Variants in SCAMP1 observed in about 807,000 individuals in gnomAD.
SCAMP1 encodes the protein secretory carrier membrane protein 1, also known as secretory carrier-associated membrane protein 1.
SCAMP1 carries 15 observed loss-of-function variants against 41.8 expected under a neutral mutation model. The observed-to-expected ratio is 0.36, with a 90% CI of 0.24 to 0.55. The LOEUF is 0.55. Among genes scored for constraint, SCAMP1 ranks in the 20% least tolerant of loss-of-function variants. SCAMP1 has a pLI of 0.86. For missense variants in SCAMP1, 341 were observed against 412.6 expected (o/e 0.83, Z 1.50); for synonymous variants, 135 against 136.8 (o/e 0.99, Z 0.09).
intron 2 of SCAMP1, among the ~76,000 whole-genome samples, chr5:78,391,108 C>G (rs112974060): frequency 2.1e-5 from 1 of 47,368 alleles, no homozygotes; most frequent in Admixed American, 1.6e-4. Context: ...CACCTTTCCC[C>G]CCTTTCCACT....
chr5:78,428,081 G>T (rs1488827320), intron 6 of SCAMP1, among the ~76,000 whole-genome samples: 1 of 151,942 alleles, frequency 6.6e-6, no homozygotes, highest in Non-Finnish European at 1.5e-5. Context: ...GTCTTGTCTG[G>T]TTAGTATCAT....
chr5:78,421,875 G>T lies in SCAMP1; in HGVS notation c.547G>T (p.Asp183Tyr), dbSNP rs1752347269. The change falls in exon 6 of 9, where the codon GAT becomes TAT. Residue 183 changes from aspartate (D) to tyrosine (Y), a missense_variant. Transcript: ENST00000621999. ...TTGTGTTGATTCTGCAAGAGCGGTT[G>T]ATTTTGGATTGAGTATCCTGTGGTT... The part of the protein sequence containing the change: ...WFCVDSARAV[D>Y]FGLSILWFLL... 1 of 1,613,724 alleles carries T rather than the reference G, an allele frequency of 6.2e-7. No homozygotes were observed. The highest frequency in any genetic ancestry group is 1.7e-5 in the Admixed American group (1 of 59,998).
At chr5:78,425,361 A>G (rs1208645138) in intron 6 of SCAMP1, among the ~76,000 whole-genome samples, 3 of 152,204 alleles carry the variant, frequency 2.0e-5, no homozygotes, top group Non-Finnish European at 4.4e-5. Flanking sequence ...CCGCTGAAGC[A>G]CTGGTATGTT....
At chr5:78,418,683 A>G (rs12514837) in intron 4 of SCAMP1, 92 bp from the exon 5 acceptor site, 28,721 of 806,024 alleles carry the variant, frequency 0.036, 829 homozygotes, top group Admixed American at 0.14. Context: ...TTTTGTTAAC[A>G]TAATAGAGTT....
At chr5:78,449,824 G>A (rs981533079) in intron 6 of SCAMP1, 109 bp from the exon 7 acceptor site, 2 of 631,660 alleles carry the variant, frequency 3.2e-6, no homozygotes, top group African/African-American at 1.9e-5. Context: ...TTTAAGGTTT[G>A]AATGTCATTC....
chr5:78,377,890 A>G (rs769387827), intron 1 of SCAMP1, among the ~76,000 whole-genome samples: 28 of 152,222 alleles, frequency 1.8e-4, no homozygotes, highest in Non-Finnish European at 3.7e-4. Flanking sequence ...GTACAGTGAA[A>G]TACGAAGTGA....
chr5:78,394,632 A>G (rs1013613569), intron 2 of SCAMP1, among the ~76,000 whole-genome samples: 3 of 152,304 alleles, frequency 2.0e-5, no homozygotes, highest in African/African-American at 7.2e-5. Flanking sequence ...AATACTGCCA[A>G]AGCATTCTGT....
chr5:78,369,413 C>T (rs1055275786), intron 1 of SCAMP1, among the ~76,000 whole-genome samples: 4 of 152,054 alleles, frequency 2.6e-5, no homozygotes, highest in Admixed American at 2.6e-4. Flanking sequence ...GGCCAGGACA[C>T]ATAACATTTA....
chr5:78,461,879 A>G (rs13167053), intron 8 of SCAMP1, among the ~76,000 whole-genome samples: 1 of 151,990 alleles, frequency 6.6e-6, no homozygotes, highest in Admixed American at 6.5e-5. Context: ...AAGTCAGGCA[A>G]TATGATGCCT....
At chr5:78,405,696 A>T (rs758351831) in intron 2 of SCAMP1, among the ~76,000 whole-genome samples, 13 of 152,220 alleles carry the variant, frequency 8.5e-5, no homozygotes, top group Non-Finnish European at 1.3e-4. Flanking sequence ...TCATTAATGT[A>T]TCCCAATTCC....
chr5:78,444,181 C>T (rs1409351943), intron 6 of SCAMP1, among the ~76,000 whole-genome samples: 1 of 152,030 alleles, frequency 6.6e-6, no homozygotes, highest in Non-Finnish European at 1.5e-5. Flanking sequence ...TTTGGAGCCC[C>T]CAAATAAGAC....
chr5:78,410,099 G>A (rs753255181), intron 2 of SCAMP1, among the ~76,000 whole-genome samples: 23 of 150,248 alleles, frequency 1.5e-4, no homozygotes, highest in East Asian at 2.0e-4. Context: ...CTCACTTAAG[G>A]TGCCGGGAAC....
intron 1 of SCAMP1, among the ~76,000 whole-genome samples, chr5:78,384,463 T>C (rs1255876720): frequency 6.6e-6 from 1 of 152,108 alleles, no homozygotes; most frequent in East Asian, 1.9e-4. Flanking sequence ...TCTTGTCTAA[T>C]TCCTCTGGCT....
intron 1 of SCAMP1, among the ~76,000 whole-genome samples, chr5:78,372,637 AT>A (rs1048195099): frequency 2.0e-5 from 3 of 152,190 alleles, no homozygotes; most frequent in Non-Finnish European, 4.4e-5. Context: ...TCACAAGGTG[AT>A]TTGTCATAAC....
chr5:78,470,122 A>G (rs1753851345), intron 8 of SCAMP1, among the ~76,000 whole-genome samples: 1 of 151,898 alleles, frequency 6.6e-6, no homozygotes, highest in Non-Finnish European at 1.5e-5. Flanking sequence ...AAAAAAACCT[A>G]AAGTATACAA....
chr5:78,453,927 T>G (rs1403567265), intron 7 of SCAMP1, among the ~76,000 whole-genome samples: 2 of 152,160 alleles, frequency 1.3e-5, no homozygotes, highest in Non-Finnish European at 2.9e-5. Flanking sequence ...GATTCCTGGG[T>G]ATTTTATTCT....
At chr5:78,423,570 T>G (rs993419726) in intron 6 of SCAMP1, among the ~76,000 whole-genome samples, 3 of 152,222 alleles carry the variant, frequency 2.0e-5, no homozygotes, top group African/African-American at 7.2e-5. Flanking sequence ...AAAAGTGACC[T>G]GAGACTAGGG....
chr5:78,392,617 A>C (rs1302267894), intron 2 of SCAMP1, among the ~76,000 whole-genome samples: 1 of 152,222 alleles, frequency 6.6e-6, no homozygotes, highest in Non-Finnish European at 1.5e-5. Context: ...GGAGCTAGGC[A>C]ATAGTGAGAA....
At chr5:78,452,056 A>G (rs917342984) in intron 7 of SCAMP1, among the ~76,000 whole-genome samples, 3 of 152,172 alleles carry the variant, frequency 2.0e-5, no homozygotes, top group African/African-American at 7.2e-5. Context: ...GTTTTGGACT[A>G]TTACAAATAA....
Sources: allele counts gnomAD v4.1 joint callset (sites outside exome capture counted in the v4.1 genomes callset), GRCh38; gene constraint gnomAD v4.1.1; transcripts MANE v1.5; gene names NCBI Gene and HGNC (gene_info 2026-07-23, HGNC 2026-07-21).